Variants in TENM3 observed in about 807,000 individuals in gnomAD.
TENM3 encodes the protein teneurin transmembrane protein 3, also known as teneurin-3.
A neutral mutation model predicts 255.1 loss-of-function variants in TENM3; 63 were observed. That is an observed-to-expected ratio of 0.25 (90% CI 0.20 to 0.30). The LOEUF (loss-of-function observed/expected upper bound fraction) is 0.30, where lower values mean the gene tolerates loss of function less well. Among genes scored for constraint, TENM3 ranks in the 10% least tolerant of loss-of-function variants. The probability of loss-of-function intolerance (pLI) is 1.00; values close to 1 mark genes in which losing one functional copy is unlikely to be tolerated. For missense variants in TENM3, 2,929 were observed against 3,461.1 expected, an observed-to-expected ratio of 0.85 and a Z score of 3.86; for synonymous variants, 1,306 against 1,322.3, an observed-to-expected ratio of 0.99 and a Z score of 0.27.
intron 1 of TENM3, among the ~76,000 whole-genome samples, chr4:182,271,127 A>G (rs1281292270): frequency 6.6e-6 from 1 of 152,190 alleles, no homozygotes; most frequent in Non-Finnish European, 1.5e-5. Flanking sequence ...CCTCCTGCTA[A>G]GACAACCAGA....
intron 1 of TENM3, among the ~76,000 whole-genome samples, chr4:182,290,982 G>A (rs1289857120): frequency 3.3e-5 from 5 of 151,912 alleles, no homozygotes; most frequent in Non-Finnish European, 7.4e-5. Context: ...CACCACGCCT[G>A]GCTAATTTTT....
At chr4:182,752,148 T>C (rs1561200099) in intron 20 of TENM3, 116 bp downstream of exon 20, 3 of 684,860 alleles carry the variant, frequency 4.4e-6, no homozygotes, top group Non-Finnish European at 7.2e-6. Flanking sequence ...CTTTTTACCT[T>C]TGACAGTGTT....
the TENM3 span, among the ~76,000 whole-genome samples, chr4:181,651,005 T>C: frequency 1.3e-5 from 2 of 152,226 alleles, no homozygotes; most frequent in African/African-American, 4.8e-5. Context: ...TCTTACTTGT[T>C]AGGTGATTTC....
chr4:181,946,666 G>T, the TENM3 span, among the ~76,000 whole-genome samples: 1 of 151,980 alleles, frequency 6.6e-6, no homozygotes, highest in African/African-American at 2.4e-5. Context: ...CTTTTACATT[G>T]CTGGGAGGTA....
the TENM3 span, among the ~76,000 whole-genome samples, chr4:181,515,083 C>T: frequency 6.6e-6 from 1 of 152,208 alleles, no homozygotes; most frequent in Non-Finnish European, 1.5e-5. Flanking sequence ...CTTTCATATG[C>T]ATAACTGCAT....
At chr4:181,857,485 C>T in the TENM3 span, among the ~76,000 whole-genome samples, 1 of 138,534 alleles carries the variant, frequency 7.2e-6, no homozygotes, top group East Asian at 2.2e-4. Context: ...GAGCCTGAGG[C>T]GGGAGAATCA....
the TENM3 span, among the ~76,000 whole-genome samples, chr4:181,733,743 C>T: frequency 6.6e-6 from 1 of 152,158 alleles, no homozygotes; most frequent in African/African-American, 2.4e-5. Context: ...GTTTCAGGTA[C>T]TTAGAGTCCC....
intron 3 of TENM3, among the ~76,000 whole-genome samples, chr4:182,550,279 A>G (rs1327236118): frequency 6.6e-6 from 1 of 152,250 alleles, no homozygotes; most frequent in Non-Finnish European, 1.5e-5. Context: ...AAGAATTAGA[A>G]TATACTTTGA....
chr4:182,000,665 A>T, the TENM3 span, among the ~76,000 whole-genome samples: 2 of 152,172 alleles, frequency 1.3e-5, no homozygotes, highest in Non-Finnish European at 2.9e-5. Context: ...AAATATAGGC[A>T]TTAAAATAAA....
At chr4:181,492,123 C>G in the TENM3 span, among the ~76,000 whole-genome samples, 1 of 152,126 alleles carries the variant, frequency 6.6e-6, no homozygotes, top group Non-Finnish European at 1.5e-5. Context: ...AGACAGTCAT[C>G]AATAATATTC....
Position 182,800,594 on chromosome 4 carries a change from A to G in TENM3, c.*243A>G. ...ACTCAGTCGGACTGAACGTAGCCAG[A>G]GGAAAAAAAAATCATCAAGGACAAA... On this transcript the variant is annotated 3_prime_UTR_variant, in exon 28 of 28. Transcript: ENST00000511685. 1 of 402,028 alleles carries G rather than the reference A, an allele frequency of 2.5e-6. No individual in the cohort carries two copies. Among genetic ancestry groups the G allele is most frequent in the African/African-American group, 2.1e-5 (1 of 47,420 alleles). 24.9% of individuals were successfully genotyped at this position (402,028 alleles called of 1,614,324 possible). A position where few individuals can be genotyped will look rare whatever the true frequency, so the allele number is the denominator to read the frequency against.
At chr4:182,591,813 A>G (rs901153896) in intron 3 of TENM3, among the ~76,000 whole-genome samples, 3 of 152,210 alleles carry the variant, frequency 2.0e-5, no homozygotes, top group Non-Finnish European at 1.5e-5. Flanking sequence ...AGGTGGTTAT[A>G]TTATTAATAG....
chr4:181,901,131 C>T, the TENM3 span, among the ~76,000 whole-genome samples: 2 of 152,124 alleles, frequency 1.3e-5, no homozygotes, highest in African/African-American at 4.8e-5. Flanking sequence ...CCTTCTATAA[C>T]TAAGAAACTT....
At chr4:182,384,296 G>T (rs544787735) in intron 3 of TENM3, among the ~76,000 whole-genome samples, 1 of 142,204 alleles carries the variant, frequency 7.0e-6, no homozygotes, top group Non-Finnish European at 1.5e-5. Flanking sequence ...CTTTGAAAAT[G>T]TCTGCTGTGG....
the TENM3 span, among the ~76,000 whole-genome samples, chr4:181,744,584 A>C: frequency 6.6e-6 from 1 of 152,168 alleles, no homozygotes; most frequent in Non-Finnish European, 1.5e-5. Context: ...TGTTAAACTC[A>C]AAACAGACTA....
At chr4:182,229,849 A>T (rs1284395867) in intron 1 of TENM3, among the ~76,000 whole-genome samples, 4 of 152,194 alleles carry the variant, frequency 2.6e-5, no homozygotes, top group Non-Finnish European at 5.9e-5. Context: ...TGTACATAAC[A>T]TTGAAGAATG....
At chr4:182,322,419 A>G (rs528493625) in intron 1 of TENM3, among the ~76,000 whole-genome samples, 1 of 152,272 alleles carries the variant, frequency 6.6e-6, no homozygotes, top group South Asian at 2.1e-4. Flanking sequence ...AGCAGGGAGG[A>G]ACACTCCAAA....
chr4:182,244,619 G>A (rs933589053), intron 1 of TENM3, among the ~76,000 whole-genome samples: 2 of 152,188 alleles, frequency 1.3e-5, no homozygotes, highest in African/African-American at 4.8e-5. Context: ...TGAAGAGGAA[G>A]ACGGGTCTCC....
the TENM3 span, among the ~76,000 whole-genome samples, chr4:181,860,309 T>G: frequency 6.6e-6 from 1 of 152,174 alleles, no homozygotes; most frequent in Non-Finnish European, 1.5e-5. Context: ...TTTTTTTTTC[T>G]CTCCGCCCTC....
Sources: gnomAD v4.1 joint callset for allele counts (sites outside exome capture counted in the v4.1 genomes callset) on GRCh38, gnomAD v4.1.1 for gene constraint, MANE v1.5 for transcripts, NCBI Gene and HGNC (gene_info 2026-07-23, HGNC 2026-07-21) for gene names.